Variants in CUL4B observed in about 807,000 individuals in gnomAD.
CUL4B encodes cullin 4B.
CUL4B carries 1 observed loss-of-function variant against 69.2 expected under a neutral mutation model. The observed-to-expected ratio is 0.01, with a 90% confidence interval of 0.01 to 0.07. The LOEUF is 0.07. CUL4B is among the 10% of genes least tolerant of loss of function. The pLI is 1.00. For missense variants in CUL4B, 328 were observed against 638.8 expected, an observed-to-expected ratio of 0.51 and a Z score of 5.24; for synonymous variants, 237 against 223.2, an observed-to-expected ratio of 1.06 and a Z score of -0.55.
In CUL4B at chrX:120,524,178, T is replaced by A. The variant is rs1005598311; in HGVS notation, c.*2583A>T. 2.7e-5 allele frequency among the ~76,000 whole-genome samples: 3 copies of A among 111,321 alleles called. No homozygotes were observed. Among genetic ancestry groups the A allele is most frequent in the African/African-American group, 9.8e-5 (3 of 30,664 alleles). On this transcript the variant is annotated 3_prime_UTR_variant, in exon 20 of 20. Transcript: ENST00000371322. ...AGACTCAGGAACTGGGTTCAAAAAC[T>A]TTGAGGAACATCTTACTCTGAGAGT...
chrX:120,527,561 T>G (rs1923053896), intron 19 of CUL4B, among the ~76,000 whole-genome samples: 1 of 111,060 alleles, frequency 9.0e-6, no homozygotes, highest in Admixed American at 9.6e-5. Context: ...TGGTCCTGAC[T>G]TTTTCATTTT....
intron 18 of CUL4B, among the ~76,000 whole-genome samples, chrX:120,530,532 T>C (rs926391082): frequency 8.9e-6 from 1 of 112,128 alleles, no homozygotes; most frequent in Non-Finnish European, 1.9e-5. Context: ...AGATAGCTGA[T>C]GTGGAATTTA....
upstream of CUL4B, chrX:120,561,434 A>T: frequency 2.0e-6 from 1 of 503,421 alleles, no homozygotes; most frequent in Admixed American, 2.5e-5. Context: ...GGTCCGCAGG[A>T]CTTGAGTGGG....
At chrX:120,555,201 C>T (rs1924892768) in intron 2 of CUL4B, among the ~76,000 whole-genome samples, 1 of 111,995 alleles carries the variant, frequency 8.9e-6, no homozygotes, top group Non-Finnish European at 1.9e-5. Context: ...AAAGATTTAA[C>T]AGAATCAATG....
At chrX:120,547,851 C>T (rs190324236) in intron 2 of CUL4B, among the ~76,000 whole-genome samples, 1 of 110,575 alleles carries the variant, frequency 9.0e-6, no homozygotes, top group East Asian at 2.8e-4. Context: ...GAGAGAAGGG[C>T]CTAGCCTCCC....
chrX:120,528,592 G>A (rs1271763194), intron 19 of CUL4B, among the ~76,000 whole-genome samples: 1 of 109,171 alleles, frequency 9.2e-6, no homozygotes, highest in African/African-American at 3.3e-5. Context: ...GTGATTGTGC[G>A]CACCTGTGGT....
chrX:120,526,933 A>C, intron 19 of CUL4B, 77 bp from the exon 20 acceptor site: 2 of 545,886 alleles, frequency 3.7e-6, no homozygotes, highest in South Asian at 5.3e-5. Context: ...CCCCATTAAA[A>C]AGACAACAGT....
Position 120,537,053 on chromosome X carries a change from A to G in CUL4B, c.1939-19T>C, listed in dbSNP as rs377758630. 6.0e-5 allele frequency: 62 copies of G among 1,028,633 alleles called. No homozygotes were observed. The highest frequency in any genetic ancestry group is 2.5e-4 in the Middle Eastern group (1 of 3,992). 84.8% of individuals were successfully genotyped at this position (1,028,633 alleles called of 1,213,427 possible). ...GCATATACTATAAGAAGATCAAAAC[A>G]CACACTGAGATCTTAAAACTGCATA... On this transcript the variant is annotated intron_variant, in intron 14 of 19. Transcript: ENST00000371322.
At chrX:120,543,487 ACCTTCTAAACACACACACACACACAC>A (rs1277109169) in intron 8 of CUL4B, among the ~76,000 whole-genome samples, 2 of 71,240 alleles carry the variant, frequency 2.8e-5, no homozygotes, top group Non-Finnish European at 5.0e-5. Context: ...TTTCTAAATT[ACCTTCTAAACACACACACACACACAC>A]ACACACACAC....
intron 15 of CUL4B, 110 bp from the exon 16 acceptor site, chrX:120,536,053 C>G: frequency 3.8e-6 from 2 of 532,157 alleles, no homozygotes; most frequent in Non-Finnish European, 6.7e-6. Flanking sequence ...AAGACTATAT[C>G]CAGTAGGTCC....
chrX:120,545,043 T>C (rs1276135534), intron 5 of CUL4B, among the ~76,000 whole-genome samples: 1 of 112,437 alleles, frequency 8.9e-6, no homozygotes, highest in Non-Finnish European at 1.9e-5. Flanking sequence ...TGAATTCTGA[T>C]CATTGCTGTA....
rs969827040 is a variant in CUL4B at position 120,560,298 on chromosome X, G to A, written c.341C>T (p.Ala114Val). ...EDTLEFVGFD[A>V]KMAEESSSSS... ...GGAGGAGGATTCCTCAGCCATCTTC[G>A]CATCAAACCCTACAAACTCCAGGGT... is the stretch of plus-strand genomic sequence containing the variant. The change falls in exon 1 of 20, where the codon GCG becomes GTG. Residue 114 changes from alanine to valine, a missense_variant. Physicochemically the swap from Ala to Val is moderately conservative, Grantham distance 64 (BLOSUM62 0). This residue lies in a region of CUL4B where 102 missense variants were observed against 122.1 expected (regional missense o/e 0.84). Transcript: ENST00000371322. 2 of 1,209,627 alleles carry A rather than the reference G, an allele frequency of 1.7e-6. No homozygotes were observed. The highest frequency in any genetic ancestry group is 2.2e-6 in the Non-Finnish European group (2 of 895,143).
chrX:120,560,614 G>A lies in CUL4B; in HGVS notation c.25C>T (p.Pro9Ser). The change falls in exon 1 of 20, where the codon CCC (proline) becomes TCC (serine). Residue 9 changes from proline (P) to serine (S), a missense_variant. By Grantham distance (74) the Pro-to-Ser change is moderately conservative (BLOSUM62 -1). Transcript: ENST00000371322. Reference protein sequence around the residue: MFPTGFSSPSPSAAAAAQE... With the variant: MFPTGFSSSSPSAAAAAQE... ...GCAGCAGCAGCAGCTGAGGGACTGG[G>A]GGAAGAAAAACCTGTTGGAAACATG... 3 of 1,205,539 alleles carry A rather than the reference G, an allele frequency of 2.5e-6. No homozygotes were observed. Among genetic ancestry groups the A allele is most frequent in the African/African-American group, 3.5e-5 (2 of 57,659 alleles).
chrX:120,546,538 C>T lies in CUL4B; in HGVS notation c.846+9G>A, dbSNP rs1229380138. 4 of 1,188,321 alleles carry T rather than the reference C, an allele frequency of 3.4e-6. No homozygotes were observed. In the South Asian group the frequency reaches 5.3e-5, roughly 16 times the overall value. On this transcript the variant is annotated intron_variant, in intron 4 of 19. Coordinates refer to ENST00000371322, the MANE Select transcript of CUL4B (RefSeq NM_001079872.2). ...GTTTAGCCGAAATACAATACTTTTT[C>T]CAGCTTACCATTTGTCTGCAATGGT...
At chrX:120,553,588 C>T (rs910864548) in intron 2 of CUL4B, among the ~76,000 whole-genome samples, 1 of 111,265 alleles carries the variant, frequency 9.0e-6, no homozygotes, top group Non-Finnish European at 1.9e-5. Flanking sequence ...TCCAGCATCT[C>T]CAAAAAAGGT....
At chrX:120,529,182 T>C (rs1923173074) in intron 19 of CUL4B, among the ~76,000 whole-genome samples, 1 of 111,361 alleles carries the variant, frequency 9.0e-6, no homozygotes, top group African/African-American at 3.3e-5. Flanking sequence ...GAAATGACTA[T>C]TAAGCAGAGC....
intron 2 of CUL4B, among the ~76,000 whole-genome samples, chrX:120,549,941 G>A (rs139827867): frequency 9.0e-6 from 1 of 111,497 alleles, no homozygotes; most frequent in African/African-American, 3.3e-5. Flanking sequence ...GTGCACTTCC[G>A]GTACTTCTCT....
chrX:120,559,012 T>C (rs1602589542), intron 1 of CUL4B, among the ~76,000 whole-genome samples: 1 of 111,084 alleles, frequency 9.0e-6, no homozygotes, highest in East Asian at 2.8e-4. Flanking sequence ...GGTAGTGATA[T>C]AAAAAAGAAA....
At chrX:120,568,754 G>C (rs1461621192), downstream of CUL4B, among the ~76,000 whole-genome samples, 1 of 111,943 alleles carries the variant, frequency 8.9e-6, no homozygotes, top group Non-Finnish European at 1.9e-5. Context: ...CATCCCCACT[G>C]TACAGATAAG....
Sources: allele counts gnomAD v4.1 joint callset (sites outside exome capture counted in the v4.1 genomes callset), GRCh38; gene constraint gnomAD v4.1.1; regional missense constraint gnomAD v4.1.1; transcripts MANE v1.5; gene names NCBI Gene and HGNC (gene_info 2026-07-23, HGNC 2026-07-21).